Variants in THAP6 observed in about 807,000 individuals in gnomAD.
The protein encoded by THAP6 is THAP domain containing 6.
In THAP6, 13 loss-of-function variants were observed where a neutral mutation model predicts 20.0. That is an observed-to-expected ratio of 0.65 (90% confidence interval 0.42 to 1.03). The LOEUF (loss-of-function observed/expected upper bound fraction) is 1.03. Among genes scored for constraint, THAP6 ranks in the 50% least tolerant of loss-of-function variants. The probability of loss-of-function intolerance (pLI) is 0.00; values close to 1 mark genes in which losing one functional copy is unlikely to be tolerated. For synonymous variants in THAP6, 93 were observed against 92.2 expected (o/e 1.01, Z -0.05); for missense variants, 262 against 261.6 (o/e 1.00, Z -0.01).
downstream of THAP6, among the ~76,000 whole-genome samples, chr4:75,532,739 G>A (rs1726722765): frequency 6.6e-6 from 1 of 152,206 alleles, no homozygotes; most frequent in African/African-American, 2.4e-5. Context: ...ACATCATATG[G>A]AAGCTGCCAA....
Position 75,529,667 on chromosome 4 carries a change from C to CTTGGAG in THAP6, c.*2453_*2454insTTGGAG. Reference sequence around the variant, plus strand: ...CTGTGTAAAGCAAAACCCAAGTCATCCCCCTCCAGAAATTTCTCTGGCAGC... The same window carrying CTTGGAG: ...CTGTGTAAAGCAAAACCCAAGTCATCTTGGAGCCCCTCCAGAAATTTCTCTGGCAGC... On this transcript the variant is annotated 3_prime_UTR_variant, in exon 5 of 5. Coordinates refer to ENST00000311638, the MANE Select transcript of THAP6 (RefSeq NM_144721.6). 3.0e-6 allele frequency: 3 copies of CTTGGAG among 985,422 alleles called. No homozygotes were observed. The South Asian group carries it at 1.4e-4, about 46-fold the overall frequency. 61.0% of individuals were successfully genotyped at this position (985,422 alleles called of 1,614,324 possible). A position where few individuals can be genotyped will look rare whatever the true frequency, so the allele number is the denominator to read the frequency against.
chr4:75,514,569 A>C, intron 1 of THAP6, 49 bp downstream of exon 1: 16 of 310,344 alleles, frequency 5.2e-5, no homozygotes, highest in East Asian at 1.0e-4. Context: ...ACCCGCCCAA[A>C]TCTCAGGGCG....
downstream of THAP6, among the ~76,000 whole-genome samples, chr4:75,530,874 C>CT (rs1446371747): frequency 2.0e-5 from 3 of 152,004 alleles, no homozygotes; most frequent in Non-Finnish European, 4.4e-5. Context: ...CAGGGTCTGT[C>CT]TAAATTTTGC....
intron 2 of THAP6, among the ~76,000 whole-genome samples, 158 bp downstream of exon 2, chr4:75,515,690 T>TTA (rs1725545050): frequency 6.6e-6 from 1 of 152,244 alleles, no homozygotes. Flanking sequence ...CTTTACATGT[T>TTA]TATAATTTAG....
chr4:75,541,314 T>C (rs1315047089), intron 2 of THAP6, among the ~76,000 whole-genome samples: 1 of 152,016 alleles, frequency 6.6e-6, no homozygotes, highest in Non-Finnish European at 1.5e-5. Flanking sequence ...CAAAAAGACA[T>C]CAATCCATAT....
chr4:75,541,668 C>A (rs1727008404), intron 2 of THAP6, among the ~76,000 whole-genome samples: 1 of 152,006 alleles, frequency 6.6e-6, no homozygotes, highest in South Asian at 2.1e-4. Context: ...AAATTTAAAT[C>A]AAAACCAGCC....
chr4:75,546,498 A>G (rs750941701), intron 3 of THAP6, among the ~76,000 whole-genome samples: 1 of 152,212 alleles, frequency 6.6e-6, no homozygotes, highest in East Asian at 1.9e-4. Context: ...TTTCCTATGT[A>G]TTTATTCACT....
chr4:75,537,106 T>A (rs6535524), intron 2 of THAP6, among the ~76,000 whole-genome samples: 94,791 of 151,750 alleles, frequency 0.62, 30,893 homozygotes, highest in African/African-American at 0.83. Flanking sequence ...TTTATACAAG[T>A]GTTGTCAAAA....
At chr4:75,522,262 A>G (rs1239220058) in intron 4 of THAP6, 1 of 185,676 alleles carries the variant, frequency 5.4e-6, no homozygotes, top group East Asian at 1.3e-4. Context: ...CATGGAATCT[A>G]GATCTCTTTT....
At chr4:75,542,675 C>A in intron 3 of THAP6, 1 of 485,462 alleles carries the variant, frequency 2.1e-6, no homozygotes, top group South Asian at 3.8e-5. Flanking sequence ...TATGAAGTCA[C>A]GTTGTTGTTT....
chr4:75,545,934 C>T (rs1021857721), intron 3 of THAP6, among the ~76,000 whole-genome samples: 2 of 152,192 alleles, frequency 1.3e-5, no homozygotes, highest in African/African-American at 4.8e-5. Context: ...AGAGGCAGCT[C>T]TGCGGGCCCA....
At position 75,521,780 on chromosome 4, in the gene THAP6, A is replaced by C. The variant is rs1208295962; in HGVS notation, c.333A>C (p.Lys111Asn). The C allele has an allele frequency of 5.6e-6, 9 of 1,613,274 alleles. No individual in the cohort carries two copies. Among genetic ancestry groups the C allele is most frequent in the African/African-American group, 1.3e-5 (1 of 74,888 alleles). ...KLHCRKNFTL[K>N]TVPATNYNHH... ...ATTGTAGAAAAAACTTCACCCTCAA[A>C]ACCGTTCCAGCCACTAACTACAATC... Residue 111 changes from lysine (K) to asparagine (N), a missense_variant, in exon 4 of 5, where the codon AAA becomes AAC. Coordinates refer to ENST00000311638, the MANE Select transcript of THAP6 (RefSeq NM_144721.6).
At chr4:75,542,649 T>G (rs1401459341) in intron 3 of THAP6, 1 of 561,662 alleles carries the variant, frequency 1.8e-6, no homozygotes, top group Admixed American at 3.0e-5. Flanking sequence ...GGTATAACGA[T>G]GTCTTCATAT....
At chr4:75,521,660 A>G (rs1257377433) in intron 3 of THAP6, 76 bp from the exon 4 acceptor site, 4 of 1,415,342 alleles carry the variant, frequency 2.8e-6, no homozygotes, top group Non-Finnish European at 3.8e-6. Flanking sequence ...TCACTATACA[A>G]AGTTAAGAAG....
In THAP6 at chr4:75,538,932, G is replaced by A. The variant is rs557082659; in HGVS notation, c.166-3477G>A. On this transcript the variant is annotated intron_variant, in intron 2 of 4. Transcript: ENST00000502620. Reference sequence around the variant, plus strand: ...TAAGAACCACATGAGGGTCCATGATGAGCACTAGTCACAGCAGTTGAGGAA... The same window carrying A: ...TAAGAACCACATGAGGGTCCATGATAAGCACTAGTCACAGCAGTTGAGGAA... 3.9e-5 allele frequency among the ~76,000 whole-genome samples: 6 copies of A among 152,318 alleles called. 1 individual carries two copies. The highest frequency in any genetic ancestry group is 1.4e-4 in the African/African-American group (6 of 41,566).
intron 3 of THAP6, among the ~76,000 whole-genome samples, chr4:75,546,885 ACCCT>A (rs1727138638): frequency 1.3e-5 from 2 of 152,088 alleles, no homozygotes. Flanking sequence ...ATCCCAAAAC[ACCCT>A]CCCAGAAACA....
chr4:75,539,041 C>T (rs1726940119), intron 2 of THAP6, among the ~76,000 whole-genome samples: 1 of 152,178 alleles, frequency 6.6e-6, no homozygotes, highest in East Asian at 1.9e-4. Flanking sequence ...ATATGCTAGG[C>T]ATTGGAGAAA....
Position 75,528,061 on chromosome 4 carries a change from T to G in THAP6, c.*847T>G. ...TTTGTATTTTATATGTAAAGTAGTA[T>G]TGCTGACATTTTAAAAAAATACAAA... On this transcript the variant is annotated 3_prime_UTR_variant, in exon 5 of 5. Coordinates refer to ENST00000311638, the MANE Select transcript of THAP6 (RefSeq NM_144721.6). 1 of 984,422 alleles carries G rather than the reference T, an allele frequency of 1.0e-6. No homozygotes were observed. The highest frequency in any genetic ancestry group is 1.1e-4 in the East Asian group (1 of 8,812). 61.0% of individuals were successfully genotyped at this position (984,422 alleles called of 1,614,324 possible). A position where few individuals can be genotyped will look rare whatever the true frequency, so the allele number is the denominator to read the frequency against.
intron 2 of THAP6, among the ~76,000 whole-genome samples, chr4:75,539,559 A>G (rs550996407): frequency 6.6e-6 from 1 of 152,346 alleles, no homozygotes; most frequent in Non-Finnish European, 1.5e-5. Context: ...CAGTGTGGGC[A>G]CTTTGAAAGT....
Sources: allele counts gnomAD v4.1 joint callset (sites outside exome capture counted in the v4.1 genomes callset), GRCh38; gene constraint gnomAD v4.1.1; transcripts MANE v1.5; gene names NCBI Gene and HGNC (gene_info 2026-07-23, HGNC 2026-07-21).